The following WDFY3 variants were observed in gnomAD, a reference collection of about 807,000 sequenced individuals.
WDFY3 encodes the protein WD repeat and FYVE domain-containing protein 3.
In WDFY3, 66 loss-of-function variants were observed where a neutral mutation model predicts 409.6. The observed-to-expected ratio is 0.16, with a 90% CI of 0.13 to 0.20. The LOEUF is 0.20. WDFY3 is among the 10% of genes least tolerant of loss of function. WDFY3 has a pLI of 1.00. For synonymous variants in WDFY3, 1,521 were observed against 1,537.1 expected, an observed-to-expected ratio of 0.99 and a Z score of 0.25; for missense variants, 3,031 against 4,298.1, an observed-to-expected ratio of 0.71 and a Z score of 8.24.
intron 7 of WDFY3, among the ~76,000 whole-genome samples, chr4:84,834,283 G>A (rs1756227364): frequency 6.6e-6 from 1 of 152,180 alleles, no homozygotes; most frequent in African/African-American, 2.4e-5. Context: ...ATCTTTATAG[G>A]CAGAAGGATT....
chr4:84,679,821 C>CAG (rs1211428173), intron 64 of WDFY3, among the ~76,000 whole-genome samples: 1 of 144,062 alleles, frequency 6.9e-6, no homozygotes, highest in African/African-American at 2.6e-5. Flanking sequence ...GGATATTCTT[C>CAG]ATATATATAT....
At chr4:84,911,331 T>A (rs1767749616) in intron 2 of WDFY3, among the ~76,000 whole-genome samples, 1 of 151,904 alleles carries the variant, frequency 6.6e-6, no homozygotes, top group South Asian at 2.1e-4. Context: ...CTACAAAAAA[T>A]TAAAATATTA....
At chr4:84,679,835 T>C (rs569200032) in intron 64 of WDFY3, among the ~76,000 whole-genome samples, 9 of 149,420 alleles carry the variant, frequency 6.0e-5, no homozygotes, top group African/African-American at 2.0e-4. Flanking sequence ...TATATATATA[T>C]ATATATACAC....
chr4:84,853,240 G>A (rs1166237885), intron 4 of WDFY3, among the ~76,000 whole-genome samples: 2 of 152,112 alleles, frequency 1.3e-5, no homozygotes, highest in Admixed American at 6.5e-5. Flanking sequence ...GCACAATCTC[G>A]GCTCACTGCA....
intron 67 of WDFY3, 57 bp from the exon 68 acceptor site, chr4:84,673,048 A>G: frequency 1.9e-6 from 3 of 1,605,160 alleles, no homozygotes; most frequent in Admixed American, 1.7e-5. Flanking sequence ...GATCATGGGC[A>G]CCGGAAACAT....
chr4:84,833,688 A>AAAGAGAAGAGAAGAGAAGAG (rs1553979587), intron 7 of WDFY3, among the ~76,000 whole-genome samples: 87 of 149,598 alleles, frequency 5.8e-4, no homozygotes, highest in South Asian at 1.7e-3. Context: ...AAAGAAAAGA[A>AAAGAGAAGAGAAGAGAAGAG]AAGAGAAGAG....
chr4:84,678,319 A>C, intron 65 of WDFY3, 40 bp from the exon 66 acceptor site: 1 of 1,481,204 alleles, frequency 6.8e-7, no homozygotes, highest in Non-Finnish European at 9.4e-7. Context: ...AACTCAACTG[A>C]GAGAAGCCAA....
intron 4 of WDFY3, among the ~76,000 whole-genome samples, chr4:84,854,411 T>C (rs903422068): frequency 3.3e-5 from 5 of 152,148 alleles, no homozygotes; most frequent in Admixed American, 2.0e-4. Flanking sequence ...AATAGTGTAG[T>C]TTTGGTGATT....
chr4:84,895,751 T>G (rs763694778), intron 3 of WDFY3, among the ~76,000 whole-genome samples: 22 of 152,150 alleles, frequency 1.4e-4, no homozygotes, highest in Non-Finnish European at 3.1e-4. Flanking sequence ...CACAGTGGTA[T>G]GAGAGATTAC....
At chr4:84,830,186 A>C (rs1321415171) in intron 8 of WDFY3, among the ~76,000 whole-genome samples, 1 of 152,326 alleles carries the variant, frequency 6.6e-6, no homozygotes, top group East Asian at 1.9e-4. Context: ...ATTTTGAAAG[A>C]GTTTCAGGAC....
rs144364393 is a variant in WDFY3, at chr4:84,711,641, G to A, written c.8042+1518C>T. Among the ~76,000 whole-genome samples the A allele has an allele frequency of 5.1e-3, 772 of 151,948 alleles. 8 individuals are homozygous for A. The highest frequency in any genetic ancestry group is 0.017 in the African/African-American group (724 of 41,406). ...GCCGAGGAGGGCGGATCGCGAGGTC[G>A]GGAGTTTGAGAGCAGCCTGGCCAAT... is the stretch of plus-strand genomic sequence containing the variant. On this transcript the variant is annotated intron_variant, in intron 51 of 67. Transcript: ENST00000295888.
Position 84,688,263 on chromosome 4 carries a change from G to C in WDFY3, c.9366C>G (p.Ala3122=). 1 of 1,612,822 alleles carries C rather than the reference G, an allele frequency of 6.2e-7. No individual in the cohort carries two copies. Among genetic ancestry groups the C allele is most frequent in the Non-Finnish European group, 8.5e-7 (1 of 1,179,504 alleles). The change falls in exon 62 of 68, where the codon GCC becomes GCG. Residue 3122 remains alanine, a splice_region_variant and synonymous_variant. Transcript: ENST00000295888. The part of the protein sequence containing the change: ...EKAKTVTLKQ[A]LLGHTDTVTC... ...TGACGGTATCAGTGTGGCCCAGTAA[G>C]GCCTACGAATGAGAACAAACAAACA...
intron 15 of WDFY3, among the ~76,000 whole-genome samples, chr4:84,807,326 A>C (rs754102033): frequency 1.3e-5 from 2 of 152,214 alleles, no homozygotes; most frequent in African/African-American, 2.4e-5. Context: ...ACCATGCCAT[A>C]GTTTGTTGTG....
At chr4:84,703,143 T>C (rs529443796) in intron 55 of WDFY3, among the ~76,000 whole-genome samples, 2 of 152,034 alleles carry the variant, frequency 1.3e-5, no homozygotes, top group South Asian at 2.1e-4. Context: ...CTTCCATAGT[T>C]TGATGATGCC....
chr4:84,795,607 C>G (rs1749274939), intron 19 of WDFY3, among the ~76,000 whole-genome samples: 1 of 152,082 alleles, frequency 6.6e-6, no homozygotes, highest in African/African-American at 2.4e-5. Context: ...ACTAAAAATA[C>G]AAAAATCAGC....
intron 44 of WDFY3, among the ~76,000 whole-genome samples, chr4:84,732,706 T>C (rs1736804595): frequency 6.6e-6 from 1 of 151,784 alleles, no homozygotes; most frequent in South Asian, 2.1e-4. Flanking sequence ...ATGACAGGCT[T>C]TCCTTATTTT....
chr4:84,798,432 TAC>T (rs986730607), intron 17 of WDFY3, among the ~76,000 whole-genome samples: 7 of 152,126 alleles, frequency 4.6e-5, no homozygotes, highest in Admixed American at 2.6e-4. Context: ...TAGTAAAACA[TAC>T]ACAGTGTTAG....
At chr4:84,891,806 C>A (rs1428578662) in intron 3 of WDFY3, among the ~76,000 whole-genome samples, 2 of 152,158 alleles carry the variant, frequency 1.3e-5, no homozygotes, top group Admixed American at 1.3e-4. Flanking sequence ...AGCATAACTA[C>A]ATCTCCAAAG....
intron 2 of WDFY3, among the ~76,000 whole-genome samples, chr4:84,900,134 T>C (rs1348822242): frequency 1.3e-5 from 2 of 152,230 alleles, no homozygotes; most frequent in African/African-American, 4.8e-5. Context: ...GTACCTCTAT[T>C]CATTATGGCC....
Sources: gnomAD v4.1 joint callset for allele counts (sites outside exome capture counted in the v4.1 genomes callset) on GRCh38, gnomAD v4.1.1 for gene constraint, MANE v1.5 for transcripts, NCBI Gene and HGNC (gene_info 2026-07-23, HGNC 2026-07-21) for gene names.